MAST3: variants seen among roughly 807,000 people sequenced by gnomAD.
MAST3 encodes the protein microtubule associated serine/threonine kinase 3, also known as microtubule-associated serine/threonine-protein kinase 3.
In MAST3, 43 loss-of-function variants were observed where a neutral mutation model predicts 127.0. That is an observed-to-expected ratio of 0.34 (90% CI 0.27 to 0.44). MAST3 has a LOEUF of 0.44. MAST3 is among the 20% of genes least tolerant of loss of function. MAST3 has a pLI of 1.00. For missense variants in MAST3, 1,390 were observed against 1,919.1 expected, an observed-to-expected ratio of 0.72 and a Z score of 5.15; for synonymous variants, 785 against 809.2, an observed-to-expected ratio of 0.97 and a Z score of 0.51.
At chr19:18,146,710 G>A (rs1243138912) in intron 25 of MAST3, among the ~76,000 whole-genome samples, 171 bp from the exon 26 acceptor site, 2 of 152,164 alleles carry the variant, frequency 1.3e-5, no homozygotes, top group Non-Finnish European at 2.9e-5. Context: ...GGTGCTCCCT[G>A]GGCTATTGTT....
Position 18,147,480 on chromosome 19 carries a change from TC to T in MAST3, c.3366del (p.Val1123CysfsTer217). ...SLFKKISKQT[S>X]VLHTSRSFSS... ...TTTCAAGAAGATCTCCAAGCAGACC[TC>T]CGTGCTGCACACCAGCCGCAGCTTC... is the stretch of plus-strand genomic sequence containing the variant. On this transcript the variant is annotated frameshift_variant, in exon 27 of 28. Coordinates refer to ENST00000687212, the MANE Select transcript of MAST3 (RefSeq NM_001393504.1). LOFTEE classifies it high-confidence loss of function. The T allele has an allele frequency of 6.2e-7, 1 of 1,613,278 alleles. No individual in the cohort carries two copies. The highest frequency in any genetic ancestry group is 2.2e-5 in the East Asian group (1 of 44,868).
rs537315025 is a variant in MAST3, at chr19:18,125,483, T to G, written c.1078+709T>G. On this transcript the variant is annotated intron_variant, in intron 11 of 27. Transcript: ENST00000687212. ...CCGGCCGGGTGCGGTGGCTCACGCC[T>G]GTAATCCCAGCACTTTTGGGAGGCC... Among the ~76,000 whole-genome samples, 13 of 152,290 alleles carry G rather than the reference T, an allele frequency of 8.5e-5. No individual in the cohort carries two copies. In the South Asian group the frequency reaches 2.7e-3, roughly 32 times the overall value.
chr19:18,124,522 C>A, intron 10 of MAST3, 120 bp from the exon 11 acceptor site: 1 of 1,393,584 alleles, frequency 7.2e-7, no homozygotes, highest in Non-Finnish European at 9.8e-7. Context: ...CCTAAGGAGG[C>A]AGCGGGAGTG....
chr19:18,145,187 C>A lies in MAST3; in HGVS notation c.2997C>A (p.Tyr999Ter). The change falls in exon 24 of 28, where the codon TAC (tyrosine) becomes TAA (stop). Residue 999 changes from tyrosine to a stop codon, truncating the protein, a stop_gained. Coordinates refer to ENST00000687212, the MANE Select transcript of MAST3 (RefSeq NM_001393504.1). LOFTEE classifies it high-confidence loss of function. The surrounding 1 kb of genome is among the most constrained non-coding windows in gnomAD (Gnocchi z 5.9). The stretch of plus-strand genomic sequence containing the variant: ...TCAGCCTGCGGGCGATCCGCGTCTA[C>A]ATGGGTGATAGCGACGTCTACACTG... ...YGFSLRAIRV[Y>*]MGDSDVYTVH... The A allele has an allele frequency of 6.2e-7, 1 of 1,613,958 alleles. No individual in the cohort carries two copies. The highest frequency in any genetic ancestry group is 8.5e-7 in the Non-Finnish European group (1 of 1,179,894).
rs1005606564 is a variant in MAST3, at chr19:18,110,243, G to A, written c.72-409G>A. ...CGTGTGTCCGTCCGTCGGTCCGCTCGCGCCACGATCAGGGCTTCCGGGGGC... is the reference window on the plus strand; with the variant it reads ...CGTGTGTCCGTCCGTCGGTCCGCTCACGCCACGATCAGGGCTTCCGGGGGC... On this transcript the variant is annotated intron_variant, in intron 2 of 27. Coordinates refer to ENST00000687212, the MANE Select transcript of MAST3 (RefSeq NM_001393504.1). This position sits in a 1 kb window ranked among gnomAD's most constrained non-coding sequence, Gnocchi z 4.3. 39 of 985,392 alleles carry A rather than the reference G, an allele frequency of 4.0e-5. No homozygotes were observed. Among genetic ancestry groups the A allele is most frequent in the Non-Finnish European group, 4.7e-5 (39 of 830,004 alleles). The allele number at this position is 985,392 out of a possible 1,614,324, so 61.0% of individuals were successfully genotyped here. A position where few individuals can be genotyped will look rare whatever the true frequency, so the allele number is the denominator to read the frequency against.
At chr19:18,121,308 C>T (rs182263747) in intron 3 of MAST3, among the ~76,000 whole-genome samples, 1 of 152,232 alleles carries the variant, frequency 6.6e-6, no homozygotes, top group East Asian at 1.9e-4. Flanking sequence ...AGGCGTGCAC[C>T]ACCACACCCA....
rs757405753 is a variant in MAST3, at chr19:18,123,297, C to T, written c.480C>T (p.His160=). The part of the protein sequence containing the change: ...TPDELHFLSK[H]FRSSENVLDE... The stretch of plus-strand genomic sequence containing the variant: ...ACGAGCTGCACTTCCTGTCCAAGCA[C>T]TTCCGCAGCTCAGAGAATGTGCTTG... The change falls in exon 7 of 28, where the codon CAC becomes CAT. Residue 160 remains histidine (H), a synonymous_variant. Coordinates refer to ENST00000687212, the MANE Select transcript of MAST3 (RefSeq NM_001393504.1). 1 of 1,613,906 alleles carries T rather than the reference C, an allele frequency of 6.2e-7. No individual in the cohort carries two copies. Among genetic ancestry groups the T allele is most frequent in the Non-Finnish European group, 8.5e-7 (1 of 1,179,892 alleles).
At chr19:18,122,824 T>G in intron 6 of MAST3, 73 bp downstream of exon 6, 1 of 1,462,270 alleles carries the variant, frequency 6.8e-7, no homozygotes. Flanking sequence ...TTGTGTGTTT[T>G]TTTCAAGGTG....
intron 1 of MAST3, among the ~76,000 whole-genome samples, chr19:18,103,711 T>A (rs11668601): frequency 6.6e-6 from 1 of 152,054 alleles, no homozygotes; most frequent in East Asian, 1.9e-4. Context: ...CCTATGTCAC[T>A]GGGCCATTTT....
chr19:18,135,684 AG>A, intron 17 of MAST3, 55 bp from the exon 18 acceptor site: 1 of 1,317,144 alleles, frequency 7.6e-7, no homozygotes, highest in Non-Finnish European at 1.1e-6. Context: ...GGTACTAGAA[AG>A]GGGTACCCTG....
At chr19:18,130,845 TCTG>T in intron 14 of MAST3, 143 bp downstream of exon 14, 1 of 844,506 alleles carries the variant, frequency 1.2e-6, no homozygotes, top group South Asian at 1.7e-5. Context: ...GGAACCCCAG[TCTG>T]GGGTAGGGAG....
At chr19:18,126,893 G>C (rs2040704139) in intron 11 of MAST3, among the ~76,000 whole-genome samples, 1 of 151,848 alleles carries the variant, frequency 6.6e-6, no homozygotes, top group Admixed American at 6.5e-5. Flanking sequence ...CCATTCTCCT[G>C]CCTCAGCCTC....
At chr19:18,100,128 C>T (rs60565578) in intron 1 of MAST3, among the ~76,000 whole-genome samples, 28,534 of 121,708 alleles carry the variant, frequency 0.23, 3,476 homozygotes, top group Non-Finnish European at 0.27. Context: ...CTCTCTCTCT[C>T]TTTTTTTTTT....
At chr19:18,111,890 C>A (rs143818407) in intron 3 of MAST3, among the ~76,000 whole-genome samples, 164 of 152,336 alleles carry the variant, frequency 1.1e-3, no homozygotes, top group African/African-American at 3.8e-3. Flanking sequence ...CAGGGAGGTA[C>A]CTTCCTTCAG....
At chr19:18,124,941 T>C (rs4999423) in intron 11 of MAST3, among the ~76,000 whole-genome samples, 167 bp downstream of exon 11, 22,145 of 60,256 alleles carry the variant, frequency 0.37, 2,053 homozygotes, top group Non-Finnish European at 0.45. Context: ...ACCCCCCCCC[T>C]ACTAAAAATA....
In MAST3 at chr19:18,145,690, T is replaced by A; in HGVS notation, c.3040-53T>A. 1 of 1,502,282 alleles carries A rather than the reference T, an allele frequency of 6.7e-7. No homozygotes were observed. The highest frequency in any genetic ancestry group is 8.9e-7 in the Non-Finnish European group (1 of 1,129,856). 93.1% of individuals were successfully genotyped at this position (1,502,282 alleles called of 1,614,324 possible). On this transcript the variant is annotated intron_variant, in intron 24 of 27. Coordinates refer to ENST00000687212, the MANE Select transcript of MAST3 (RefSeq NM_001393504.1). The surrounding 1 kb of genome is among the most constrained non-coding windows in gnomAD (Gnocchi z 5.9). ...ACAGCAGACCCAGCCTGGGCTGGGG[T>A]CCCCAGATGTGGGGCCCAGGCCATT...
At chr19:18,121,799 G>A in intron 4 of MAST3, 26 bp downstream of exon 4, 3 of 1,613,820 alleles carry the variant, frequency 1.9e-6, no homozygotes, top group East Asian at 2.2e-5. Context: ...GCCAGCGGGT[G>A]CTGTGTCCTG....
Position 18,123,334 on chromosome 19 carries a change from G to T in MAST3, c.517G>T (p.Gly173Cys). The T allele has an allele frequency of 6.2e-7, 1 of 1,613,330 alleles. No individual in the cohort carries two copies. Among genetic ancestry groups the T allele is most frequent in the South Asian group, 1.1e-5 (1 of 91,076 alleles). The change falls in exon 7 of 28, where the codon GGC (glycine) becomes TGC (cysteine). Residue 173 changes from glycine (G) to cysteine (C), a missense_variant. Transcript: ENST00000687212. ...AGAGAATGTGCTTGATGAGGAAGGC[G>T]GCCGGTCACCCCGCCTCCGACCCCG... ...SSENVLDEEG[G>C]RSPRLRPRSR...
rs1434062337 is a variant in MAST3, at chr19:18,149,274, T to G, written c.3592T>G (p.Ser1198Ala). ...TGCTGCTGGCCACACCCGCCCCAGC[T>G]CCCTGCACGGCCTGGCTGCCAAGCT... ...PAAAGHTRPS[S>A]LHGLAAKLGP... is the part of the protein sequence containing the mutation. The change falls in exon 28 of 28, where the codon TCC (serine) becomes GCC (alanine). Residue 1198 changes from serine (S) to alanine (A), a missense_variant. Ser to Ala is a moderately conservative substitution (Grantham distance 99). Around this residue, in one of 5 missense-constraint regions of MAST3, gnomAD observed 816 missense variants for 934.1 expected, o/e 0.87. Coordinates refer to ENST00000687212, the MANE Select transcript of MAST3 (RefSeq NM_001393504.1). The surrounding 1 kb of genome is among the most constrained non-coding windows in gnomAD (Gnocchi z 5.9). 6.5e-7 allele frequency: 1 copy of G among 1,535,010 alleles called. No individual in the cohort carries two copies. Among genetic ancestry groups the G allele is most frequent in the African/African-American group, 1.5e-5 (1 of 68,366 alleles).
Sources: gnomAD v4.1 joint callset for allele counts (sites outside exome capture counted in the v4.1 genomes callset) on GRCh38, gnomAD v4.1.1 for gene constraint, gnomAD v4.1.1 regional missense constraint, Gnocchi (gnomAD v3.1) non-coding constraint, MANE v1.5 for transcripts, NCBI Gene and HGNC (gene_info 2026-07-23, HGNC 2026-07-21) for gene names.